The following GRID2 variants were observed in gnomAD, a reference collection of about 807,000 sequenced individuals.
GRID2 encodes glutamate ionotropic receptor delta type subunit 2, also known as glutamate receptor ionotropic, delta-2.
Under a neutral mutation model 114.8 loss-of-function variants are expected in GRID2, and 33 were observed. The observed-to-expected ratio is 0.29, with a 90% CI of 0.22 to 0.38. GRID2 has a LOEUF of 0.38. Ranked by LOEUF, GRID2 falls within the 10% of genes least tolerant of loss-of-function variation. The pLI, the probability that GRID2 is intolerant of heterozygous loss-of-function variation, is 1.00. For synonymous variants in GRID2, 505 were observed against 449.9 expected (o/e 1.12, Z -1.55); for missense variants, 1,184 against 1,257.7 (o/e 0.94, Z 0.89).
chr4:92,933,380 T>C (rs948879476), intron 2 of GRID2, among the ~76,000 whole-genome samples: 1 of 151,536 alleles, frequency 6.6e-6, no homozygotes, highest in Non-Finnish European at 1.5e-5. Context: ...TTCTTATTGG[T>C]TAAATCAGTT....
chr4:92,652,003 T>C (rs1345867436), intron 2 of GRID2, among the ~76,000 whole-genome samples: 2 of 152,090 alleles, frequency 1.3e-5, no homozygotes, highest in Non-Finnish European at 2.9e-5. Context: ...ACCATGGCTG[T>C]TTGGACCACT....
intron 14 of GRID2, among the ~76,000 whole-genome samples, chr4:93,723,012 T>C (rs1729524779): frequency 6.6e-6 from 1 of 152,238 alleles, no homozygotes; most frequent in South Asian, 2.1e-4. Flanking sequence ...TTCTTAAACA[T>C]ATTTACATCT....
intron 2 of GRID2, among the ~76,000 whole-genome samples, chr4:93,068,532 A>G (rs995961666): frequency 6.6e-6 from 1 of 152,096 alleles, no homozygotes; most frequent in African/African-American, 2.4e-5. Context: ...TCAGGGAACT[A>G]TGTCATAGTA....
At chr4:92,441,283 G>A (rs1560631680) in intron 1 of GRID2, among the ~76,000 whole-genome samples, 1 of 152,112 alleles carries the variant, frequency 6.6e-6, no homozygotes, top group South Asian at 2.1e-4. Context: ...GGTAACAGAT[G>A]AGGAAGAAAT....
At chr4:93,343,355 C>A (rs926462389) in intron 8 of GRID2, among the ~76,000 whole-genome samples, 37 of 152,122 alleles carry the variant, frequency 2.4e-4, no homozygotes, top group Middle Eastern at 6.8e-3. Context: ...GGCATAGTGT[C>A]ATAGTAGTTG....
intron 14 of GRID2, among the ~76,000 whole-genome samples, chr4:93,745,422 G>T (rs572603545): frequency 2.6e-5 from 4 of 152,146 alleles, no homozygotes; most frequent in South Asian, 4.1e-4. Context: ...GTTTAACAAA[G>T]TAGATTACAC....
intron 4 of GRID2, among the ~76,000 whole-genome samples, chr4:93,113,224 A>G (rs1732931615): frequency 6.6e-6 from 1 of 152,196 alleles, no homozygotes; most frequent in Non-Finnish European, 1.5e-5. Context: ...TTTCTTTTCT[A>G]ACACCTTTTT....
At chr4:92,765,670 T>C (rs1283970044) in intron 2 of GRID2, among the ~76,000 whole-genome samples, 3 of 152,196 alleles carry the variant, frequency 2.0e-5, no homozygotes, top group Non-Finnish European at 4.4e-5. Context: ...AGATTTCAAC[T>C]CCCTATGGCA....
At chr4:93,213,935 T>C (rs1743878756) in intron 5 of GRID2, among the ~76,000 whole-genome samples, 1 of 152,124 alleles carries the variant, frequency 6.6e-6, no homozygotes, top group African/African-American at 2.4e-5. Flanking sequence ...AGGTAAATTA[T>C]TTTTGGGAAA....
chr4:92,359,997 T>C (rs1248539490), intron 1 of GRID2, among the ~76,000 whole-genome samples: 1 of 152,030 alleles, frequency 6.6e-6, no homozygotes, highest in Non-Finnish European at 1.5e-5. Context: ...TATTTCTTTG[T>C]AAACTACCTT....
intron 8 of GRID2, among the ~76,000 whole-genome samples, chr4:93,317,130 A>G (rs1756743655): frequency 6.6e-6 from 1 of 151,872 alleles, no homozygotes; most frequent in South Asian, 2.1e-4. Context: ...ATCTGAGGTG[A>G]TTTTTTTCTT....
chr4:93,664,037 C>T (rs1723740109), intron 14 of GRID2, among the ~76,000 whole-genome samples: 1 of 152,126 alleles, frequency 6.6e-6, no homozygotes, highest in African/African-American at 2.4e-5. Flanking sequence ...AATGTATATA[C>T]AGTGGTCAAG....
Position 93,261,153 on chromosome 4 carries a change from T to TA in GRID2, c.1245+22672dup, listed in dbSNP as rs200882715. 9.7e-3 allele frequency among the ~76,000 whole-genome samples: 1,464 copies of TA among 151,086 alleles called. 26 individuals carry two copies. Among genetic ancestry groups the TA allele is most frequent in the African/African-American group, 0.033 (1,362 of 41,282 alleles). Reference sequence around the variant, plus strand: ...ACTAAAAGTCACTTTTGACACATGTTAAAAAAAAACATCAATACTCAAGCT... The same window carrying TA: ...ACTAAAAGTCACTTTTGACACATGTTAAAAAAAAAACATCAATACTCAAGCT... On this transcript the variant is annotated intron_variant, in intron 8 of 15. Transcript: ENST00000282020.
At chr4:93,307,613 T>A (rs1447632347) in intron 8 of GRID2, among the ~76,000 whole-genome samples, 1 of 152,204 alleles carries the variant, frequency 6.6e-6, no homozygotes, top group Non-Finnish European at 1.5e-5. Context: ...AACCTGAGAA[T>A]GGAAAATATT....
intron 5 of GRID2, among the ~76,000 whole-genome samples, chr4:93,213,245 T>A (rs1743777863): frequency 6.6e-6 from 1 of 152,194 alleles, no homozygotes; most frequent in Non-Finnish European, 1.5e-5. Context: ...GTTGGATTTG[T>A]TCCATTTTTT....
At chr4:93,375,214 C>CT (rs373891256) in intron 8 of GRID2, among the ~76,000 whole-genome samples, 15,317 of 135,220 alleles carry the variant, frequency 0.11, 1,308 homozygotes, top group African/African-American at 0.24. Context: ...CTTTTTTTCC[C>CT]TTTTTTTTTT....
Position 93,515,554 on chromosome 4 carries a change from T to C in GRID2, c.2193+143T>C, listed in dbSNP as rs557642243. 4.3e-4 allele frequency: 258 copies of C among 600,390 alleles called. No homozygotes were observed. In the African/African-American group the frequency reaches 4.7e-3, roughly 11 times the overall value. The allele number at this position is 600,390 out of a possible 1,614,324, so 37.2% of individuals were successfully genotyped here. A position where few individuals can be genotyped will look rare whatever the true frequency, so the allele number is the denominator to read the frequency against. On this transcript the variant is annotated intron_variant, in intron 13 of 15. Transcript: ENST00000282020. ...GCAAATTTCCTGTTACAATGCATCT[T>C]ATATTGATTTAAAGAAGATTTTTTA... is the stretch of plus-strand genomic sequence containing the variant.
intron 2 of GRID2, among the ~76,000 whole-genome samples, chr4:92,754,371 G>A (rs1029967961): frequency 6.6e-6 from 1 of 152,102 alleles, no homozygotes; most frequent in African/African-American, 2.4e-5. Flanking sequence ...ACAGCATGAT[G>A]GTAGTAGGAG....
chr4:93,350,180 G>C (rs973348036), intron 8 of GRID2, among the ~76,000 whole-genome samples: 1 of 152,078 alleles, frequency 6.6e-6, no homozygotes, highest in Non-Finnish European at 1.5e-5. Context: ...TCATTTATCT[G>C]TAAAACACCC....
Sources: allele counts gnomAD v4.1 joint callset (sites outside exome capture counted in the v4.1 genomes callset), GRCh38; gene constraint gnomAD v4.1.1; transcripts MANE v1.5; gene names NCBI Gene and HGNC (gene_info 2026-07-23, HGNC 2026-07-21).